The following AVIL variants were observed in gnomAD, a reference collection of about 807,000 sequenced individuals.
AVIL encodes advillin.
A neutral mutation model predicts 109.9 loss-of-function variants in AVIL; 78 were observed. The ratio of observed to expected loss-of-function variants is 0.71; its 90% CI spans 0.59 to 0.86. The LOEUF (loss-of-function observed/expected upper bound fraction) is 0.86, where lower values mean the gene tolerates loss of function less well. Among genes scored for constraint, AVIL ranks in the 40% least tolerant of loss-of-function variants. The probability of loss-of-function intolerance (pLI) is 0.00; values close to 1 mark genes in which losing one functional copy is unlikely to be tolerated. For synonymous variants in AVIL, 367 were observed against 379.1 expected (o/e 0.97, Z 0.37); for missense variants, 892 against 1,016.5 (o/e 0.88, Z 1.67).
At chr12:57,801,351 C>T in intron 17 of AVIL, 139 bp from the exon 18 acceptor site, 1 of 658,560 alleles carries the variant, frequency 1.5e-6, no homozygotes, top group Non-Finnish European at 2.6e-6. Flanking sequence ...AAATGAAAAT[C>T]CCCCCTTTTG....
intron 9 of AVIL, chr12:57,809,313 A>C: frequency 2.2e-6 from 1 of 458,274 alleles, no homozygotes; most frequent in South Asian, 2.4e-5. Flanking sequence ...AGTGCTTTAC[A>C]AATGATATTT....
rs369793129 is a variant in AVIL, at chr12:57,800,855, G to A, written c.2220+289C>T. On this transcript the variant is annotated intron_variant, in intron 18 of 19. Transcript: ENST00000549994. ...ACTCCTGACCTTAGGTGATCCACCCGCCTTGGCCTCCCAAAGTGCTGGGAT... is the reference window on the plus strand; with the variant it reads ...ACTCCTGACCTTAGGTGATCCACCCACCTTGGCCTCCCAAAGTGCTGGGAT... 3.0e-4 allele frequency among the ~76,000 whole-genome samples: 46 copies of A among 152,258 alleles called. 1 individual carries two copies. Among genetic ancestry groups the A allele is most frequent in the African/African-American group, 1.0e-3 (42 of 41,552 alleles).
At chr12:57,815,482 C>T (rs539887939) in intron 2 of AVIL, 3 of 966,348 alleles carry the variant, frequency 3.1e-6, no homozygotes, top group Non-Finnish European at 4.0e-6. Context: ...GGGTGGTTCC[C>T]AGCTATGGAT....
At chr12:57,811,304 C>T (rs1211782887) in intron 4 of AVIL, among the ~76,000 whole-genome samples, 177 bp from the exon 5 acceptor site, 1 of 152,140 alleles carries the variant, frequency 6.6e-6, no homozygotes, top group South Asian at 2.1e-4. Flanking sequence ...TTTCTGGTAG[C>T]GAGTTGGGGC....
intron 11 of AVIL, 58 bp from the exon 12 acceptor site, chr12:57,807,785 C>T: frequency 1.2e-6 from 2 of 1,607,594 alleles, no homozygotes; most frequent in Admixed American, 3.3e-5. Flanking sequence ...GGGGCTAGGC[C>T]ACACTAAAGA....
intron 1 of AVIL, among the ~76,000 whole-genome samples, chr12:57,818,296 T>C (rs1956122032): frequency 7.0e-6 from 1 of 142,088 alleles, no homozygotes; most frequent in Non-Finnish European, 1.5e-5. Flanking sequence ...TGCCCTGGCT[T>C]CCCAAAGTGT....
chr12:57,807,620 C>T lies in AVIL; in HGVS notation c.1302G>A (p.Gly434=), dbSNP rs200838341. 107 of 1,614,254 alleles carry T rather than the reference C, an allele frequency of 6.6e-5. No homozygotes were observed. The highest frequency in any genetic ancestry group is 8.6e-5 in the Non-Finnish European group (102 of 1,180,052). The part of the protein sequence containing the change: ...YLVLYTYEVN[G]KPHHILYIWQ... ...AGATGTACAAGATGTGATGTGGCTT[C>T]CCATTTACCTCGTATGTGTAGAGGA... Residue 434 remains glycine (G), a synonymous_variant, in exon 12 of 20, where the codon GGG becomes GGA. Coordinates refer to ENST00000549994, the MANE Select transcript of AVIL (RefSeq NM_006576.4).
At chr12:57,810,613 TG>T in intron 6 of AVIL, 62 bp from the exon 7 acceptor site, 6 of 1,578,478 alleles carry the variant, frequency 3.8e-6, no homozygotes, top group Non-Finnish European at 5.2e-6. Context: ...CTGATGTCTT[TG>T]GGGAGAACAG....
chr12:57,798,397 C>T (rs751394602), intron 19 of AVIL, among the ~76,000 whole-genome samples: 2 of 152,102 alleles, frequency 1.3e-5, no homozygotes, highest in East Asian at 1.9e-4. Context: ...AATGCATGAT[C>T]GGGTGGATCT....
At position 57,808,310 on chromosome 12, in the gene AVIL, T is replaced by G; in HGVS notation, c.1094-16A>C. The G allele has an allele frequency of 1.9e-6, 3 of 1,614,188 alleles. No individual in the cohort carries two copies. The highest frequency in any genetic ancestry group is 2.5e-6 in the Non-Finnish European group (3 of 1,180,024). On this transcript the variant is annotated splice_polypyrimidine_tract_variant and intron_variant, in intron 10 of 19. Coordinates refer to ENST00000549994, the MANE Select transcript of AVIL (RefSeq NM_006576.4). ...AAAACTTTAGCTGTGGAGAAAGGGT[T>G]GGGAAAAGCCGAGTGAGTAAGAAGC...
Position 57,801,210 on chromosome 12 carries a change from T to C in AVIL, c.2154A>G (p.Ala718=), listed in dbSNP as rs1222076374. ...CTTTTAATTGTTCATATGTTTTTCC[T>C]GCCTGAGAAGAAGAGAGAGAAAACA... is the stretch of plus-strand genomic sequence containing the variant. ...FLAWDPNIWS[A]GKTYEQLKEE... Residue 718 remains alanine (A), a splice_region_variant and synonymous_variant, in exon 18 of 20, where the codon GCA becomes GCG. Transcript: ENST00000549994. The C allele has an allele frequency of 2.5e-6, 4 of 1,613,268 alleles. No homozygotes were observed. In the Middle Eastern group the frequency reaches 5.0e-4, roughly 200 times the overall value.
In AVIL at chr12:57,813,398, G is replaced by A. The variant is rs762535538; in HGVS notation, c.167C>T (p.Ser56Phe). 1 of 1,613,898 alleles carries A rather than the reference G, an allele frequency of 6.2e-7. No individual in the cohort carries two copies. Among genetic ancestry groups the A allele is most frequent in the Non-Finnish European group, 8.5e-7 (1 of 1,180,000 alleles). ...LSTRRVASLL[S>F]QDIHFWIGKD... is the part of the protein sequence containing the mutation. Reference sequence around the variant, plus strand: ...CCCGATCCAGAAGTGGATGTCCTGGGATAGGAGACTGGCCACTCTCCGGGT... The same window carrying A: ...CCCGATCCAGAAGTGGATGTCCTGGAATAGGAGACTGGCCACTCTCCGGGT... Residue 56 changes from serine (S) to phenylalanine (F), a missense_variant, in exon 4 of 20, where the codon TCC becomes TTC. Ser to Phe is a radical substitution (Grantham distance 155). Coordinates refer to ENST00000549994, the MANE Select transcript of AVIL (RefSeq NM_006576.4).
intron 3 of AVIL, 69 bp downstream of exon 3, chr12:57,814,083 A>G (rs1956071609): frequency 6.5e-7 from 1 of 1,533,334 alleles, no homozygotes; most frequent in African/African-American, 1.4e-5. Context: ...TCACCAGCAC[A>G]TCTCCCAGTA....
At chr12:57,810,042 C>T (rs1956014602) in intron 7 of AVIL, 152 bp from the exon 8 acceptor site, 1 of 799,120 alleles carries the variant, frequency 1.3e-6, no homozygotes, top group African/African-American at 1.7e-5. Flanking sequence ...CAGGAATGTG[C>T]AGACTCTTTT....
chr12:57,807,606 A>ATG lies in AVIL; in HGVS notation c.1314_1315dup (p.Ile439ThrfsTer56), dbSNP rs1435147310. ...CAGGCCTACCTGCCAGATGTACAAG[A>ATG]TGTGATGTGGCTTCCCATTTACCTC... On this transcript the variant is annotated frameshift_variant, in exon 12 of 20. Coordinates refer to ENST00000549994, the MANE Select transcript of AVIL (RefSeq NM_006576.4). LOFTEE classifies it high-confidence loss of function. The ATG allele has an allele frequency of 6.2e-7, 1 of 1,614,234 alleles. No individual in the cohort carries two copies. The highest frequency in any genetic ancestry group is 1.1e-5 in the South Asian group (1 of 91,084).
rs11349032 is a variant in AVIL at position 57,816,700 on chromosome 12, CTTTTT to C, written c.-19-646_-19-642del. Among the ~76,000 whole-genome samples, 905 of 93,490 alleles carry C rather than the reference CTTTTT, an allele frequency of 9.7e-3. 11 individuals carry two copies. Among genetic ancestry groups the C allele is most frequent in the African/African-American group, 0.031 (806 of 25,588 alleles). 61.3% of individuals were successfully genotyped at this position (93,490 alleles called of 152,430 possible). A position where few individuals can be genotyped will look rare whatever the true frequency, so the allele number is the denominator to read the frequency against. On this transcript the variant is annotated intron_variant, in intron 1 of 19. Coordinates refer to ENST00000549994, the MANE Select transcript of AVIL (RefSeq NM_006576.4). Reference sequence around the variant, plus strand: ...TTTGACCTTCTCTTTGGCTTTTGTCCTTTTTTTTTTTTTTTTTTTTTTTTTAGAGT... The same window carrying C: ...TTTGACCTTCTCTTTGGCTTTTGTCCTTTTTTTTTTTTTTTTTTTTAGAGT...
Position 57,811,006 on chromosome 12 carries a change from G to A in AVIL, c.447+13C>T, listed in dbSNP as rs1173489852. 6.2e-7 allele frequency: 1 copy of A among 1,614,102 alleles called. No homozygotes were observed. Among genetic ancestry groups the A allele is most frequent in the Non-Finnish European group, 8.5e-7 (1 of 1,179,928 alleles). Reference sequence around the variant, plus strand: ...AAGCCCCGGGCCTGGGGCAGAGAGTGTGCAGGACTAACCTCGGTAGCCCTG... The same window carrying A: ...AAGCCCCGGGCCTGGGGCAGAGAGTATGCAGGACTAACCTCGGTAGCCCTG... On this transcript the variant is annotated intron_variant, in intron 5 of 19. Coordinates refer to ENST00000549994, the MANE Select transcript of AVIL (RefSeq NM_006576.4).
Position 57,807,457 on chromosome 12 carries a change from G to A in AVIL, c.1365C>T (p.Ala455=). 6.2e-7 allele frequency: 1 copy of A among 1,614,226 alleles called. No individual in the cohort carries two copies. Among genetic ancestry groups the A allele is most frequent in the East Asian group, 2.2e-5 (1 of 44,878 alleles). ...CCACCTCCACTGCCTGGTATGCTGAGGCTGCCAGCTCATCCTGTGAGGCGT... is the reference window on the plus strand; with the variant it reads ...CCACCTCCACTGCCTGGTATGCTGAAGCTGCCAGCTCATCCTGTGAGGCGT... ...GRHASQDELA[A]SAYQAVEVDR... The change falls in exon 13 of 20, where the codon GCC becomes GCT. Residue 455 remains alanine, a synonymous_variant. Coordinates refer to ENST00000549994, the MANE Select transcript of AVIL (RefSeq NM_006576.4).
rs886929682 is a variant in AVIL at position 57,808,297 on chromosome 12, G to A, written c.1094-3C>T. On this transcript the variant is annotated splice_polypyrimidine_tract_variant and splice_region_variant and intron_variant, in intron 10 of 19. Transcript: ENST00000549994. Reference sequence around the variant, plus strand: ...AAATTTATCCTGGAAAACTTTAGCTGTGGAGAAAGGGTTGGGAAAAGCCGA... The same window carrying A: ...AAATTTATCCTGGAAAACTTTAGCTATGGAGAAAGGGTTGGGAAAAGCCGA... 3.7e-6 allele frequency: 6 copies of A among 1,614,084 alleles called. No homozygotes were observed. The highest frequency in any genetic ancestry group is 1.7e-5 in the Admixed American group (1 of 60,004).
Sources: allele counts gnomAD v4.1 joint callset (sites outside exome capture counted in the v4.1 genomes callset), GRCh38; gene constraint gnomAD v4.1.1; transcripts MANE v1.5; gene names NCBI Gene and HGNC (gene_info 2026-07-23, HGNC 2026-07-21).